Variants in MCUB observed in about 807,000 individuals in gnomAD.
The protein encoded by MCUB is mitochondrial calcium uniporter dominant negative subunit beta.
Under a neutral mutation model 41.4 loss-of-function variants are expected in MCUB, and 46 were observed. The ratio of observed to expected loss-of-function variants is 1.11; its 90% CI spans 0.88 to 1.42. MCUB has a LOEUF of 1.42. Ranked by LOEUF, MCUB falls within the 40% of genes most tolerant of loss-of-function variation. The pLI is 0.00. For synonymous variants in MCUB, 148 were observed against 148.2 expected (o/e 1.00, Z 0.01); for missense variants, 403 against 404.9 (o/e 1.00, Z 0.04).
intron 1 of MCUB, among the ~76,000 whole-genome samples, chr4:109,569,566 C>T (rs1379660602): frequency 1.8e-4 from 23 of 125,090 alleles, no homozygotes; most frequent in Non-Finnish European, 7.8e-5. Context: ...TGCAGTGGTG[C>T]GATTTTGGCT....
In MCUB at chr4:109,669,387, T is replaced by C. The variant is rs148874144; in HGVS notation, c.451+4993T>C. On this transcript the variant is annotated intron_variant, in intron 4 of 7. Coordinates refer to ENST00000394650, the MANE Select transcript of MCUB (RefSeq NM_017918.5). ...TTTCAGAGAAGTCAGGTTTAATTTC[T>C]TTTTTTTTCTCTGCTATAGCTAAGG... 3.8e-4 allele frequency among the ~76,000 whole-genome samples: 57 copies of C among 151,590 alleles called. No individual in the cohort carries two copies. In the East Asian group the frequency reaches 0.01, roughly 27 times the overall value.
At chr4:109,613,969 T>G (rs1728073040) in intron 1 of MCUB, among the ~76,000 whole-genome samples, 1 of 152,188 alleles carries the variant, frequency 6.6e-6, no homozygotes, top group Admixed American at 6.5e-5. Context: ...TGCCCCAGTT[T>G]TACTTGTGCT....
intron 1 of MCUB, among the ~76,000 whole-genome samples, chr4:109,569,891 A>T (rs1005694642): frequency 2.0e-5 from 3 of 152,206 alleles, no homozygotes; most frequent in Admixed American, 6.5e-5. Context: ...AGATTGAGAC[A>T]TTGTGAGATG....
chr4:109,618,451 TC>T (rs1486438139), intron 1 of MCUB, among the ~76,000 whole-genome samples: 8 of 152,218 alleles, frequency 5.3e-5, no homozygotes, highest in Non-Finnish European at 1.0e-4. Flanking sequence ...ATTCTCTTTC[TC>T]CTGCTTTATG....
At chr4:109,619,831 C>T (rs760123079) in intron 1 of MCUB, among the ~76,000 whole-genome samples, 4 of 152,170 alleles carry the variant, frequency 2.6e-5, no homozygotes, top group Non-Finnish European at 5.9e-5. Context: ...GATATTGTGG[C>T]ATATATCACT....
chr4:109,663,420 C>CT (rs1315568359), intron 3 of MCUB, among the ~76,000 whole-genome samples: 5 of 151,802 alleles, frequency 3.3e-5, no homozygotes, highest in South Asian at 2.1e-4. Flanking sequence ...TTTTTCAAGA[C>CT]TTTTTTTTTC....
At chr4:109,684,328 C>T in intron 5 of MCUB, 115 bp from the exon 6 acceptor site, 3 of 716,270 alleles carry the variant, frequency 4.2e-6, no homozygotes, top group South Asian at 2.0e-5. Context: ...TCCCAGAGTG[C>T]TGAGATTACA....
At chr4:109,596,674 C>T (rs1727562427) in intron 1 of MCUB, among the ~76,000 whole-genome samples, 1 of 151,954 alleles carries the variant, frequency 6.6e-6, no homozygotes, top group Non-Finnish European at 1.5e-5. Flanking sequence ...CGGTGCCTCA[C>T]AAAGCCTTAG....
intron 1 of MCUB, among the ~76,000 whole-genome samples, chr4:109,581,296 T>G (rs1329447990): frequency 6.6e-6 from 1 of 152,210 alleles, no homozygotes; most frequent in Non-Finnish European, 1.5e-5. Flanking sequence ...ATTCCCTATT[T>G]AATAAATGGT....
intron 4 of MCUB, chr4:109,674,037 G>C (rs1185552911): frequency 7.5e-7 from 1 of 1,324,906 alleles, no homozygotes; most frequent in Non-Finnish European, 1.1e-6. Context: ...ACATGCGTGT[G>C]GTAGCCCAAG....
In MCUB at chr4:109,632,835, G is replaced by A. The variant is rs183577341; in HGVS notation, c.100-26176G>A. On this transcript the variant is annotated intron_variant, in intron 1 of 7. Coordinates refer to ENST00000394650, the MANE Select transcript of MCUB (RefSeq NM_017918.5). ...TCGCCATGTTGGCCAGGCTGATCTC[G>A]AACTCCTGACCTCCAGTGATCCGCC... is the stretch of plus-strand genomic sequence containing the variant. Among the ~76,000 whole-genome samples the A allele has an allele frequency of 1.3e-3, 202 of 152,054 alleles. 5 individuals carry two copies. Among genetic ancestry groups the A allele is most frequent in the African/African-American group, 4.4e-3 (183 of 41,462 alleles).
intron 4 of MCUB, among the ~76,000 whole-genome samples, chr4:109,674,531 G>A (rs762489940): frequency 5.3e-5 from 8 of 152,178 alleles, no homozygotes; most frequent in Non-Finnish European, 1.2e-4. Flanking sequence ...TTTTGTCTGC[G>A]TGTTTTGTGG....
intron 1 of MCUB, among the ~76,000 whole-genome samples, chr4:109,653,151 C>T (rs78971915): frequency 3.3e-5 from 5 of 152,064 alleles, no homozygotes; most frequent in South Asian, 2.1e-4. Flanking sequence ...CTGAGGCGGG[C>T]GGATCGCGAG....
At chr4:109,603,533 A>C (rs1171774246) in intron 1 of MCUB, among the ~76,000 whole-genome samples, 1 of 151,252 alleles carries the variant, frequency 6.6e-6, no homozygotes, top group Non-Finnish European at 1.5e-5. Flanking sequence ...CTAGGAAGTG[A>C]GGAGTGTCTC....
At chr4:109,673,854 C>T (rs1393792810) in intron 4 of MCUB, 1 of 762,628 alleles carries the variant, frequency 1.3e-6, no homozygotes, top group Non-Finnish European at 2.4e-6. Flanking sequence ...TGTCAGCAGA[C>T]ACAGGTGTTT....
At chr4:109,650,164 T>G (rs947015325) in intron 1 of MCUB, among the ~76,000 whole-genome samples, 6 of 152,190 alleles carry the variant, frequency 3.9e-5, no homozygotes, top group Admixed American at 6.5e-5. Flanking sequence ...CAGCTCTGCA[T>G]GCATGATGGG....
At chr4:109,580,065 T>G (rs999370659) in intron 1 of MCUB, among the ~76,000 whole-genome samples, 2 of 152,078 alleles carry the variant, frequency 1.3e-5, no homozygotes, top group African/African-American at 2.4e-5. Flanking sequence ...AGGTGTGGTG[T>G]TCCCCGCCCT....
At chr4:109,673,790 G>A (rs1461153940) in intron 4 of MCUB, 10 of 635,890 alleles carry the variant, frequency 1.6e-5, no homozygotes, top group East Asian at 5.1e-5. Flanking sequence ...ATCAGAAGCC[G>A]GTTGGCGGGT....
At chr4:109,686,313 A>AT (rs1729835171) in intron 7 of MCUB, among the ~76,000 whole-genome samples, 1 of 152,028 alleles carries the variant, frequency 6.6e-6, no homozygotes, top group Non-Finnish European at 1.5e-5. Context: ...TACTTTTTGT[A>AT]TTTTTAGTAG....
Sources: gnomAD v4.1 joint callset for allele counts (sites outside exome capture counted in the v4.1 genomes callset) on GRCh38, gnomAD v4.1.1 for gene constraint, MANE v1.5 for transcripts, NCBI Gene and HGNC (gene_info 2026-07-23, HGNC 2026-07-21) for gene names.